The following AGBL1 variants were observed in gnomAD, a reference collection of about 807,000 sequenced individuals.
AGBL1 encodes the protein AGBL carboxypeptidase 1, also known as cytosolic carboxypeptidase 4.
A neutral mutation model predicts 118.9 loss-of-function variants in AGBL1; 130 were observed. The ratio of observed to expected loss-of-function variants is 1.09; its 90% confidence interval spans 0.95 to 1.26. The LOEUF is 1.26. Ranked by LOEUF, AGBL1 falls within the 50% of genes most tolerant of loss-of-function variation. The pLI, the probability that AGBL1 is intolerant of heterozygous loss-of-function variation, is 0.00. For missense variants in AGBL1, 1,584 were observed against 1,298.1 expected (o/e 1.22, Z -3.38); for synonymous variants, 555 against 478.9 (o/e 1.16, Z -2.08).
intron 18 of AGBL1, among the ~76,000 whole-genome samples, chr15:86,414,723 C>T (rs2081666623): frequency 6.6e-6 from 1 of 152,130 alleles, no homozygotes; most frequent in East Asian, 1.9e-4. Context: ...TGTTGAAGTA[C>T]ACCTAAACTA....
intron 22 of AGBL1, among the ~76,000 whole-genome samples, chr15:86,877,626 C>G (rs1363732033): frequency 6.6e-6 from 1 of 152,146 alleles, no homozygotes; most frequent in South Asian, 2.1e-4. Context: ...TAGAACTTTG[C>G]CATCCACTGT....
intron 17 of AGBL1, among the ~76,000 whole-genome samples, chr15:86,298,824 C>G (rs984261863): frequency 6.6e-6 from 1 of 152,206 alleles, no homozygotes; most frequent in East Asian, 1.9e-4. Context: ...AATAAGACCA[C>G]GGCTATGGAA....
chr15:86,446,637 G>C (rs949011880), intron 18 of AGBL1, among the ~76,000 whole-genome samples: 16 of 152,116 alleles, frequency 1.1e-4, no homozygotes, highest in Non-Finnish European at 4.4e-5. Context: ...CTTTCAGGAT[G>C]GGGCCAGGGT....
intron 19 of AGBL1, among the ~76,000 whole-genome samples, chr15:86,542,951 C>G (rs936913609): frequency 2.6e-5 from 4 of 151,924 alleles, no homozygotes; most frequent in African/African-American, 9.7e-5. Context: ...TATATTTGAT[C>G]TTTCTTATTT....
chr15:86,154,687 A>G (rs2077164693), intron 4 of AGBL1, 126 bp downstream of exon 4: 3 of 1,218,758 alleles, frequency 2.5e-6, no homozygotes, highest in South Asian at 3.6e-5. Context: ...TCCCAGCCAG[A>G]TAAATAAAAG....
At chr15:86,782,230 T>C (rs1277648453) in intron 22 of AGBL1, among the ~76,000 whole-genome samples, 1 of 152,162 alleles carries the variant, frequency 6.6e-6, no homozygotes, top group Non-Finnish European at 1.5e-5. Context: ...ATCTTTATTA[T>C]TTTTTAAATT....
chr15:86,729,803 GC>G (rs909386622), intron 22 of AGBL1, among the ~76,000 whole-genome samples: 15 of 152,166 alleles, frequency 9.9e-5, no homozygotes, highest in African/African-American at 3.6e-4. Flanking sequence ...TAATGGGATT[GC>G]TGGGTCAAAT....
At chr15:86,872,874 TTATA>T (rs2079750154) in intron 22 of AGBL1, among the ~76,000 whole-genome samples, 1 of 152,244 alleles carries the variant, frequency 6.6e-6, no homozygotes, top group Non-Finnish European at 1.5e-5. Flanking sequence ...GCAGACTTAG[TTATA>T]TATACACAGC....
downstream of AGBL1, chr15:86,916,200 G>C (rs958875461): frequency 1.3e-5 from 2 of 152,182 alleles, no homozygotes; most frequent in African/African-American, 2.4e-5. Flanking sequence ...TGTAATTCTG[G>C]TTTGGTATAT....
chr15:86,144,615 G>A (rs2141656245), intron 3 of AGBL1, among the ~76,000 whole-genome samples: 1 of 152,220 alleles, frequency 6.6e-6, no homozygotes, highest in Non-Finnish European at 1.5e-5. Context: ...TAAATGATGA[G>A]AACATATGGA....
chr15:86,084,595 C>T (rs1241892101), intron 1 of AGBL1, among the ~76,000 whole-genome samples: 1 of 152,168 alleles, frequency 6.6e-6, no homozygotes, highest in Non-Finnish European at 1.5e-5. Context: ...ATGGAATATT[C>T]ACTTATTCTT....
At chr15:86,224,985 T>A in intron 6 of AGBL1, 34 bp downstream of exon 6, 1 of 1,608,182 alleles carries the variant, frequency 6.2e-7, no homozygotes, top group Non-Finnish European at 8.5e-7. Flanking sequence ...GCTATTTCTC[T>A]CCACTCTGGG....
At chr15:86,778,328 A>G (rs903101054) in intron 22 of AGBL1, among the ~76,000 whole-genome samples, 3 of 152,176 alleles carry the variant, frequency 2.0e-5, no homozygotes, top group Non-Finnish European at 4.4e-5. Context: ...ATAACATCTT[A>G]TCAGGAGACA....
At chr15:86,587,022 AG>A (rs1159534161) in intron 21 of AGBL1, among the ~76,000 whole-genome samples, 1 of 152,174 alleles carries the variant, frequency 6.6e-6, no homozygotes, top group Admixed American at 6.6e-5. Flanking sequence ...AAAAGGTCAG[AG>A]TCCATTCCTC....
intron 5 of AGBL1, among the ~76,000 whole-genome samples, chr15:86,163,123 A>G (rs1329986455): frequency 1.3e-5 from 2 of 152,248 alleles, no homozygotes; most frequent in Non-Finnish European, 2.9e-5. Flanking sequence ...CAGCGCCTAG[A>G]TAATAATAGG....
intron 22 of AGBL1, among the ~76,000 whole-genome samples, chr15:86,787,547 C>T (rs1037228892): frequency 6.6e-6 from 1 of 152,152 alleles, no homozygotes; most frequent in Non-Finnish European, 1.5e-5. Flanking sequence ...TAGCTTTTTT[C>T]CCTTAGCATG....
In AGBL1 at chr15:86,899,488, A is replaced by C. The variant is rs572438418; in HGVS notation, c.3159-7599A>C. ...TTGTACAACGAACCCCCATGACACAAGTTTACCTATGTAACAAGCCTTCAC... is the reference window on the plus strand; with the variant it reads ...TTGTACAACGAACCCCCATGACACACGTTTACCTATGTAACAAGCCTTCAC... On this transcript the variant is annotated intron_variant, in intron 22 of 22. Transcript: ENST00000614907. Among the ~76,000 whole-genome samples the C allele has an allele frequency of 9.2e-5, 14 of 152,310 alleles. No individual in the cohort carries two copies. The South Asian group carries it at 2.9e-3, about 32-fold the overall frequency.
intron 19 of AGBL1, among the ~76,000 whole-genome samples, chr15:86,532,021 C>G (rs1446528521): frequency 1.3e-5 from 2 of 151,742 alleles, no homozygotes; most frequent in Non-Finnish European, 2.9e-5. Flanking sequence ...ATGGGAAAAA[C>G]TGGAAGCATT....
At chr15:86,192,723 G>T (rs1384033344) in intron 5 of AGBL1, among the ~76,000 whole-genome samples, 1 of 152,162 alleles carries the variant, frequency 6.6e-6, no homozygotes, top group African/African-American at 2.4e-5. Flanking sequence ...GAAGTAGGTA[G>T]TGGTATATAT....
Sources: allele counts gnomAD v4.1 joint callset (sites outside exome capture counted in the v4.1 genomes callset), GRCh38; gene constraint gnomAD v4.1.1; transcripts MANE v1.5; gene names NCBI Gene and HGNC (gene_info 2026-07-23, HGNC 2026-07-21).